LUC7L3: variants seen among roughly 807,000 people sequenced by gnomAD.
LUC7L3 encodes the protein luc7-like protein 3.
A neutral mutation model predicts 66.8 loss-of-function variants in LUC7L3; 6 were observed. The ratio of observed to expected loss-of-function variants is 0.09; its 90% CI spans 0.05 to 0.18. LUC7L3 has a LOEUF of 0.18. LUC7L3 is among the 10% of genes least tolerant of loss of function. LUC7L3 has a pLI of 1.00. For missense variants in LUC7L3, 341 were observed against 531.1 expected (o/e 0.64, Z 3.52); for synonymous variants, 160 against 174.7 (o/e 0.92, Z 0.66).
chr17:50,728,270 C>T (rs1969335089), intron 1 of LUC7L3, among the ~76,000 whole-genome samples: 1 of 151,920 alleles, frequency 6.6e-6, no homozygotes, highest in Non-Finnish European at 1.5e-5. Context: ...TTTGTGTAGG[C>T]AATAAATAGT....
intron 5 of LUC7L3, among the ~76,000 whole-genome samples, chr17:50,742,769 A>G (rs371766966): frequency 6.6e-5 from 10 of 152,362 alleles, no homozygotes; most frequent in African/African-American, 2.4e-4. Flanking sequence ...TCCAGTGTTC[A>G]TGAGTGCTAT....
chr17:50,720,171 A>T (rs556411715), intron 1 of LUC7L3, among the ~76,000 whole-genome samples: 1 of 152,366 alleles, frequency 6.6e-6, no homozygotes, highest in African/African-American at 2.4e-5. Flanking sequence ...GGAGAAGGGC[A>T]CATTTTTCTA....
intron 1 of LUC7L3, among the ~76,000 whole-genome samples, chr17:50,720,580 C>G (rs370266919): frequency 1.6e-4 from 25 of 152,322 alleles, no homozygotes; most frequent in African/African-American, 5.8e-4. Context: ...TTCTCTGCAC[C>G]TACTGTAGCA....
Position 50,741,698 on chromosome 17 carries a change from T to C in LUC7L3, c.393T>C (p.Val131=). 6.2e-7 allele frequency: 1 copy of C among 1,614,072 alleles called. No homozygotes were observed. The highest frequency in any genetic ancestry group is 8.5e-7 in the Non-Finnish European group (1 of 1,179,934). ...GCAAAAATGAAGAAAAAATTCAGGTTCTAACAGACAAAATTGATGTACTTC... is the reference window on the plus strand; with the variant it reads ...GCAAAAATGAAGAAAAAATTCAGGTCCTAACAGACAAAATTGATGTACTTC... ...PTGKNEEKIQ[V]LTDKIDVLLQ... is the part of the protein sequence containing the mutation. The change falls in exon 5 of 10, where the codon GTT becomes GTC. Residue 131 remains valine, a synonymous_variant. Transcript: ENST00000505658.
chr17:50,721,012 C>G (rs1968710925), intron 1 of LUC7L3, among the ~76,000 whole-genome samples: 1 of 151,990 alleles, frequency 6.6e-6, no homozygotes, highest in Non-Finnish European at 1.5e-5. Flanking sequence ...ATCCCCCCGA[C>G]CATTTGTCAC....
Position 50,741,418 on chromosome 17 carries a change from AT to A in LUC7L3, c.351+176del, listed in dbSNP as rs1175263055. ...GTCTTTATTAGCAAACATAACACTG[AT>A]TTTGCTAACCATAAGATTTTTCTTT... On this transcript the variant is annotated intron_variant, in intron 4 of 9. Coordinates refer to ENST00000505658, the MANE Select transcript of LUC7L3 (RefSeq NM_016424.5). The A allele has an allele frequency of 9.5e-5, 70 of 734,544 alleles. 1 individual carries two copies. The African/African-American group carries it at 1.1e-3, about 11-fold the overall frequency. The allele number at this position is 734,544 out of a possible 1,614,324, so 45.5% of individuals were successfully genotyped here.
At chr17:50,726,733 C>T (rs1969213085) in intron 1 of LUC7L3, among the ~76,000 whole-genome samples, 1 of 152,074 alleles carries the variant, frequency 6.6e-6, no homozygotes, top group Admixed American at 6.5e-5. Flanking sequence ...CTCTAGCTTA[C>T]TTATAGTTAT....
intron 1 of LUC7L3, among the ~76,000 whole-genome samples, chr17:50,724,436 C>T (rs994754250): frequency 3.3e-5 from 5 of 151,892 alleles, no homozygotes; most frequent in Admixed American, 3.3e-4. Context: ...CAGGAGGATC[C>T]TTTCAACCCA....
intron 6 of LUC7L3, among the ~76,000 whole-genome samples, 163 bp downstream of exon 6, chr17:50,743,973 A>G (rs1970509210): frequency 6.6e-6 from 1 of 152,242 alleles, no homozygotes; most frequent in Non-Finnish European, 1.5e-5. Context: ...TTTGTGCAGT[A>G]TGCAAGCAAC....
chr17:50,738,986 A>G (rs1970171573), intron 2 of LUC7L3, among the ~76,000 whole-genome samples: 1 of 152,196 alleles, frequency 6.6e-6, no homozygotes, highest in Non-Finnish European at 1.5e-5. Context: ...AAGACATTGG[A>G]GAAACATCCT....
intron 5 of LUC7L3, among the ~76,000 whole-genome samples, chr17:50,743,495 C>T (rs118053787): frequency 0.053 from 8,040 of 152,098 alleles, 287 homozygotes; most frequent in Non-Finnish European, 0.077. Flanking sequence ...CATGAGCCAT[C>T]GCGTCTGGCC....
chr17:50,741,904 G>GT (rs138534330), intron 5 of LUC7L3, among the ~76,000 whole-genome samples, 173 bp downstream of exon 5: 3,630 of 152,282 alleles, frequency 0.024, 95 homozygotes, highest in African/African-American at 0.056. Context: ...GGGCAACAAA[G>GT]TGAGACCCAG....
intron 2 of LUC7L3, 183 bp from the exon 3 acceptor site, chr17:50,740,123 A>C: frequency 1.8e-6 from 1 of 553,702 alleles, no homozygotes; most frequent in East Asian, 3.3e-5. Context: ...GAGCAGATCA[A>C]TTTTATATCC....
chr17:50,750,112 G>T (rs1183691999), intron 9 of LUC7L3, among the ~76,000 whole-genome samples: 1 of 151,962 alleles, frequency 6.6e-6, no homozygotes, highest in Non-Finnish European at 1.5e-5. Context: ...ACCTTTTGGG[G>T]TCTCCATTTT....
chr17:50,736,283 G>C (rs1007078194), intron 1 of LUC7L3, among the ~76,000 whole-genome samples: 1 of 152,226 alleles, frequency 6.6e-6, no homozygotes, highest in African/African-American at 2.4e-5. Context: ...TATATCTGAA[G>C]GAGTTACAAA....
rs148835260 is a variant in LUC7L3, at chr17:50,732,994, G to A, written c.100-3966G>A. 8.1e-4 allele frequency among the ~76,000 whole-genome samples: 124 copies of A among 152,330 alleles called. 1 individual carries two copies. The highest frequency in any genetic ancestry group is 2.8e-3 in the African/African-American group (116 of 41,570). On this transcript the variant is annotated intron_variant, in intron 1 of 9. Coordinates refer to ENST00000505658, the MANE Select transcript of LUC7L3 (RefSeq NM_016424.5). ...TGCTTGAGAGTCAGGAGGGACTGTA[G>A]AGATGTGTTTATTCGTTTTTTTGTT...
intron 1 of LUC7L3, among the ~76,000 whole-genome samples, chr17:50,735,151 GC>G (rs1969890374): frequency 6.6e-6 from 1 of 151,216 alleles, no homozygotes; most frequent in African/African-American, 2.4e-5. Context: ...AATGGCCTGA[GC>G]CCAGGAGGGA....
rs1188197585 is a variant in LUC7L3, at chr17:50,719,623, T to C, written c.-110T>C. 3 of 856,250 alleles carry C rather than the reference T, an allele frequency of 3.5e-6. No homozygotes were observed. Among genetic ancestry groups the C allele is most frequent in the African/African-American group, 3.4e-5 (2 of 58,818 alleles). 53.0% of individuals were successfully genotyped at this position (856,250 alleles called of 1,614,324 possible). On this transcript the variant is annotated 5_prime_UTR_variant, in exon 1 of 10. Coordinates refer to ENST00000505658, the MANE Select transcript of LUC7L3 (RefSeq NM_016424.5). ...ATTTTGTCTTGTCGGCTCCTGTGTG[T>C]AGGAGGGATTTCGGCCTGAGAGCGG...
intron 1 of LUC7L3, among the ~76,000 whole-genome samples, chr17:50,720,792 C>G (rs1160262533): frequency 6.6e-6 from 1 of 152,072 alleles, no homozygotes; most frequent in Admixed American, 6.5e-5. Context: ...TCTTTTTAAA[C>G]GTAGGCTTTG....
Sources: gnomAD v4.1 joint callset for allele counts (sites outside exome capture counted in the v4.1 genomes callset) on GRCh38, gnomAD v4.1.1 for gene constraint, MANE v1.5 for transcripts, NCBI Gene and HGNC (gene_info 2026-07-23, HGNC 2026-07-21) for gene names.